ZFHX3: variants seen among roughly 807,000 people sequenced by gnomAD.
The protein encoded by ZFHX3 is zinc finger homeobox protein 3.
Under a neutral mutation model 279.1 loss-of-function variants are expected in ZFHX3, and 42 were observed. The ratio of observed to expected loss-of-function variants is 0.15; its 90% CI spans 0.12 to 0.19. The LOEUF (loss-of-function observed/expected upper bound fraction) is 0.19. Among genes scored for constraint, ZFHX3 ranks in the 10% least tolerant of loss-of-function variants. ZFHX3 has a pLI of 1.00. For synonymous variants in ZFHX3, 2,293 were observed against 1,957.8 expected (o/e 1.17, Z -4.52); for missense variants, 4,981 against 4,754.0 (o/e 1.05, Z -1.40).
At chr16:73,745,445 A>C (rs2053695138) in intron 1 of ZFHX3, among the ~76,000 whole-genome samples, 1 of 152,202 alleles carries the variant, frequency 6.6e-6, no homozygotes. Flanking sequence ...GTCAGACACA[A>C]AGGCCCTCAT....
chr16:73,665,873 C>A (rs1042270302), intron 2 of ZFHX3, among the ~76,000 whole-genome samples: 4 of 136,942 alleles, frequency 2.9e-5, no homozygotes, highest in Non-Finnish European at 4.6e-5. Flanking sequence ...TGGAGTCTCA[C>A]TCTGTCGCCC....
intron 3 of ZFHX3, among the ~76,000 whole-genome samples, chr16:72,907,717 C>T (rs2039218641): frequency 6.6e-6 from 1 of 150,938 alleles, no homozygotes; most frequent in Non-Finnish European, 1.5e-5. Flanking sequence ...ATTCTTGTCA[C>T]CCAAGCTGGA....
At chr16:73,888,373 T>C (rs1260414556) in intron 1 of ZFHX3, among the ~76,000 whole-genome samples, 1 of 152,208 alleles carries the variant, frequency 6.6e-6, no homozygotes. Flanking sequence ...GCTTTTGCCA[T>C]AGTTGTTGCT....
At chr16:73,435,932 T>G (rs1184905250) in intron 3 of ZFHX3, among the ~76,000 whole-genome samples, 2 of 152,182 alleles carry the variant, frequency 1.3e-5, no homozygotes, top group African/African-American at 4.8e-5. Context: ...GCTCACTGAA[T>G]GGGTGGTGAG....
At chr16:73,588,866 G>C (rs985017683) in intron 2 of ZFHX3, among the ~76,000 whole-genome samples, 3 of 152,012 alleles carry the variant, frequency 2.0e-5, no homozygotes, top group Non-Finnish European at 4.4e-5. Context: ...GATTGAGAGA[G>C]AACATGGAGA....
chr16:73,032,383 A>C (rs949040810), intron 1 of ZFHX3, among the ~76,000 whole-genome samples: 1 of 152,200 alleles, frequency 6.6e-6, no homozygotes, highest in Non-Finnish European at 1.5e-5. Context: ...ACAGTCATAC[A>C]AGGCATCCAT....
At chr16:73,425,852 G>A (rs1417073292) in intron 3 of ZFHX3, among the ~76,000 whole-genome samples, 1 of 151,898 alleles carries the variant, frequency 6.6e-6, no homozygotes, top group Non-Finnish European at 1.5e-5. Context: ...CCAGATTAAG[G>A]GACCATATCT....
chr16:73,500,481 C>A lies in ZFHX3; in HGVS notation c.-1546-44223G>T, dbSNP rs544119955. On this transcript the variant is annotated intron_variant, in intron 2 of 17. Transcript: ENST00000641206. ...TAGCTGGGACTACAGGCACATGCCA[C>A]CATGCCTGGCTAATTTTTCTACTTT... Among the ~76,000 whole-genome samples the A allele has an allele frequency of 2.6e-5, 4 of 152,028 alleles. No individual in the cohort carries two copies. The South Asian group carries it at 8.3e-4, about 32-fold the overall frequency.
At chr16:72,948,077 C>A (rs1960791293) in intron 3 of ZFHX3, among the ~76,000 whole-genome samples, 1 of 152,170 alleles carries the variant, frequency 6.6e-6, no homozygotes, top group African/African-American at 2.4e-5. Flanking sequence ...TGAGGGCGAG[C>A]ACTGGAATGA....
intron 1 of ZFHX3, among the ~76,000 whole-genome samples, chr16:73,054,321 G>A (rs985925569): frequency 4.6e-5 from 7 of 151,950 alleles, no homozygotes; most frequent in Admixed American, 3.3e-4. Flanking sequence ...CAGGACATTC[G>A]AGGTTCCAGG....
chr16:73,665,212 C>CT (rs11410802), intron 2 of ZFHX3, among the ~76,000 whole-genome samples: 119,706 of 138,512 alleles, frequency 0.86, 51,874 homozygotes, highest in East Asian at 0.97. Flanking sequence ...CATCATTGCA[C>CT]TTTTTTTTTT....
intron 2 of ZFHX3, among the ~76,000 whole-genome samples, chr16:73,634,927 T>C (rs1038780684): frequency 2.0e-5 from 3 of 152,116 alleles, no homozygotes; most frequent in Non-Finnish European, 2.9e-5. Flanking sequence ...TAAAATTACT[T>C]CTAAGTAAAA....
chr16:73,884,218 A>G (rs116195942), intron 1 of ZFHX3, among the ~76,000 whole-genome samples: 290 of 152,302 alleles, frequency 1.9e-3, no homozygotes, highest in African/African-American at 5.9e-3. Context: ...CAAAGGGGCA[A>G]TTATGATTTT....
At chr16:73,549,392 G>T (rs2020170375) in intron 2 of ZFHX3, among the ~76,000 whole-genome samples, 1 of 151,910 alleles carries the variant, frequency 6.6e-6, no homozygotes, top group Non-Finnish European at 1.5e-5. Flanking sequence ...GTTAATACAG[G>T]TTCTTTTTTT....
chr16:73,062,553 A>C (rs1479143668), upstream of ZFHX3, among the ~76,000 whole-genome samples: 1 of 152,202 alleles, frequency 6.6e-6, no homozygotes, highest in Admixed American at 6.5e-5. Context: ...AATTATCAGA[A>C]TATGGGGTTG....
At chr16:72,855,538 C>T (rs1213741602) in intron 4 of ZFHX3, among the ~76,000 whole-genome samples, 2 of 152,194 alleles carry the variant, frequency 1.3e-5, no homozygotes, top group African/African-American at 2.4e-5. Context: ...GGAACGAAAA[C>T]GGATTCATTC....
chr16:73,075,383 G>T (rs765365786), intron 8 of ZFHX3, among the ~76,000 whole-genome samples: 21 of 152,104 alleles, frequency 1.4e-4, no homozygotes, highest in Non-Finnish European at 3.1e-4. Flanking sequence ...CCTGTGGGCT[G>T]GGCTAGAATG....
intron 5 of ZFHX3, among the ~76,000 whole-genome samples, chr16:73,221,704 T>C (rs1347405512): frequency 6.6e-6 from 1 of 152,196 alleles, no homozygotes; most frequent in Non-Finnish European, 1.5e-5. Flanking sequence ...GTAAGGTCTG[T>C]AGTTTTTCTC....
At chr16:73,483,036 C>A (rs1461261976) in intron 2 of ZFHX3, among the ~76,000 whole-genome samples, 2 of 152,184 alleles carry the variant, frequency 1.3e-5, no homozygotes, top group African/African-American at 4.8e-5. Flanking sequence ...CTTGTTCTTT[C>A]TTTTCCTCCG....
Sources: allele counts gnomAD v4.1 joint callset (sites outside exome capture counted in the v4.1 genomes callset), GRCh38; gene constraint gnomAD v4.1.1; transcripts MANE v1.5; gene names NCBI Gene and HGNC (gene_info 2026-07-23, HGNC 2026-07-21).